Variants in PAGE2B observed in about 807,000 individuals in gnomAD.
PAGE2B encodes the protein putative G antigen family E member 3.
Under a neutral mutation model 7.6 loss-of-function variants are expected in PAGE2B, and 5 were observed. That is an observed-to-expected ratio of 0.66 (90% confidence interval 0.34 to 1.38). PAGE2B has a LOEUF of 1.38. Among genes scored for constraint, PAGE2B ranks in the 40% most tolerant of loss-of-function variants. PAGE2B has a pLI of 0.04. For synonymous variants in PAGE2B, 29 were observed against 26.7 expected, an observed-to-expected ratio of 1.09 and a Z score of -0.27; for missense variants, 70 against 78.4, an observed-to-expected ratio of 0.89 and a Z score of 0.41.
the PAGE2B span, among the ~76,000 whole-genome samples, chrX:55,064,351 A>G: frequency 9.0e-6 from 1 of 111,673 alleles, no homozygotes; most frequent in Non-Finnish European, 1.9e-5. Context: ...AGTTGCTCAT[A>G]GTATTCACTA....
the PAGE2B span, among the ~76,000 whole-genome samples, chrX:55,067,242 T>C: frequency 9.1e-6 from 1 of 110,407 alleles, no homozygotes; most frequent in Non-Finnish European, 1.9e-5. Context: ...TGTGTGATGT[T>C]CCCCTCCCTG....
At chrX:55,042,921 G>A in the PAGE2B span, among the ~76,000 whole-genome samples, 1 of 110,325 alleles carries the variant, frequency 9.1e-6, no homozygotes, top group Non-Finnish European at 1.9e-5. Flanking sequence ...AAATCTGGAA[G>A]CATTATATTA....
At chrX:55,033,091 A>G in the PAGE2B span, among the ~76,000 whole-genome samples, 1 of 111,504 alleles carries the variant, frequency 9.0e-6, no homozygotes, top group Non-Finnish European at 1.9e-5. Context: ...CTCCCACATC[A>G]GACCTTGAGC....
intron 1 of PAGE2B, 124 bp downstream of exon 1, chrX:55,075,238 G>C (rs182881652): frequency 7.1e-6 from 1 of 141,336 alleles, no homozygotes; most frequent in Admixed American, 8.8e-5. Flanking sequence ...CCTCGCGGTC[G>C]TCGTCCGGCC....
At chrX:55,059,484 A>G in the PAGE2B span, among the ~76,000 whole-genome samples, 1 of 111,715 alleles carries the variant, frequency 9.0e-6, no homozygotes, top group Non-Finnish European at 1.9e-5. Flanking sequence ...TAATTAGCTA[A>G]TTAATTTTTA....
chrX:55,055,659 CT>C, the PAGE2B span: 1 of 130,269 alleles, frequency 7.7e-6, no homozygotes, highest in Non-Finnish European at 1.6e-5. Flanking sequence ...CTTTCTTTTG[CT>C]TTTTCCGTCT....
At chrX:55,050,760 C>G in the PAGE2B span, among the ~76,000 whole-genome samples, 1 of 111,558 alleles carries the variant, frequency 9.0e-6, no homozygotes, top group African/African-American at 3.3e-5. Flanking sequence ...GGCTCTTTAT[C>G]CAGTTTGCCA....
the PAGE2B span, among the ~76,000 whole-genome samples, chrX:55,041,227 G>A: frequency 4.2e-4 from 45 of 107,688 alleles, no homozygotes; most frequent in African/African-American, 1.4e-3. Context: ...GACTACAGGC[G>A]CCTGCCACCA....
At chrX:55,039,959 A>T in the PAGE2B span, among the ~76,000 whole-genome samples, 28 of 112,033 alleles carry the variant, frequency 2.5e-4, no homozygotes, top group African/African-American at 7.1e-4. Flanking sequence ...GGAAAATAAT[A>T]AAAAAATTGA....
At chrX:55,044,860 T>C in the PAGE2B span, 156 of 112,279 alleles carry the variant, frequency 1.4e-3, 1 homozygote, top group Admixed American at 0.014. Flanking sequence ...GAGGCCTAAA[T>C]TAAGGCCCTG....
the PAGE2B span, among the ~76,000 whole-genome samples, chrX:55,033,003 G>A: frequency 1.8e-5 from 2 of 111,141 alleles, no homozygotes; most frequent in African/African-American, 6.6e-5. Flanking sequence ...ACTGGATCTT[G>A]TTCCCTCTTC....
chrX:55,041,099 T>TTG, the PAGE2B span, among the ~76,000 whole-genome samples: 1 of 102,286 alleles, frequency 9.8e-6, no homozygotes, highest in African/African-American at 3.7e-5. Context: ...TTTTTTTTTT[T>TTG]GAGACGGAGT....
chrX:55,043,179 A>T, the PAGE2B span, among the ~76,000 whole-genome samples: 1 of 111,973 alleles, frequency 8.9e-6, no homozygotes, highest in African/African-American at 3.2e-5. Flanking sequence ...CTCTCACGTT[A>T]TACAAAAATC....
At chrX:55,070,419 C>G (rs1470168349), upstream of PAGE2B, among the ~76,000 whole-genome samples, 1 of 111,665 alleles carries the variant, frequency 9.0e-6, no homozygotes, top group Non-Finnish European at 1.9e-5. Flanking sequence ...TATATCTGTT[C>G]TTTTGCATTT....
the PAGE2B span, among the ~76,000 whole-genome samples, chrX:55,029,379 C>G: frequency 1.8e-4 from 20 of 111,878 alleles, no homozygotes; most frequent in Admixed American, 1.6e-3. Flanking sequence ...TCATGTCAAC[C>G]CTGTGATGAT....
the PAGE2B span, among the ~76,000 whole-genome samples, chrX:55,048,316 AAGTAGTT>A: frequency 9.0e-6 from 1 of 111,730 alleles, no homozygotes; most frequent in Non-Finnish European, 1.9e-5. Context: ...ACGAACTTTA[AAGTAGTT>A]TTTTCCAATT....
At chrX:55,030,533 C>T in the PAGE2B span, among the ~76,000 whole-genome samples, 1 of 110,829 alleles carries the variant, frequency 9.0e-6, no homozygotes, top group African/African-American at 3.3e-5. Context: ...AATATTAAGC[C>T]ATCGTTCTTG....
At chrX:55,049,620 G>C in the PAGE2B span, among the ~76,000 whole-genome samples, 1 of 111,612 alleles carries the variant, frequency 9.0e-6, no homozygotes, top group Non-Finnish European at 1.9e-5. Context: ...TTCTCTGATG[G>C]TAGTTTGTAT....
the PAGE2B span, among the ~76,000 whole-genome samples, chrX:55,030,593 C>T: frequency 9.2e-6 from 1 of 108,574 alleles, no homozygotes; most frequent in African/African-American, 3.4e-5. Flanking sequence ...GATACAAAGC[C>T]GAGGAAAGAG....
Sources: gnomAD v4.1 joint callset for allele counts (sites outside exome capture counted in the v4.1 genomes callset) on GRCh38, gnomAD v4.1.1 for gene constraint, MANE v1.5 for transcripts, NCBI Gene and HGNC (gene_info 2026-07-23, HGNC 2026-07-21) for gene names.